The following BCAT1 variants were observed in gnomAD, a reference collection of about 807,000 sequenced individuals.
The protein encoded by BCAT1 is branched chain amino acid transaminase 1, also known as branched-chain-amino-acid aminotransferase, cytosolic.
In BCAT1, 48 loss-of-function variants were observed where a neutral mutation model predicts 52.4. The observed-to-expected ratio is 0.92, with a 90% confidence interval of 0.73 to 1.16. The LOEUF is 1.16. BCAT1 is among the 50% of genes most tolerant of loss of function. The pLI, the probability that BCAT1 is intolerant of heterozygous loss-of-function variation, is 0.00. For synonymous variants in BCAT1, 167 were observed against 161.3 expected, an observed-to-expected ratio of 1.04 and a Z score of -0.27; for missense variants, 451 against 457.1, an observed-to-expected ratio of 0.99 and a Z score of 0.12.
chr12:24,926,820 C>A (rs1390959266), intron 1 of BCAT1, among the ~76,000 whole-genome samples: 3 of 151,820 alleles, frequency 2.0e-5, no homozygotes, highest in Non-Finnish European at 4.4e-5. Context: ...ACAAACACTG[C>A]GGAAGGCCGC....
intron 10 of BCAT1, among the ~76,000 whole-genome samples, chr12:24,819,484 G>C (rs1940022715): frequency 6.6e-6 from 1 of 151,960 alleles, no homozygotes; most frequent in Non-Finnish European, 1.5e-5. Flanking sequence ...TTGTATATTG[G>C]GATTCCAGGA....
chr12:24,818,012 G>A lies in BCAT1; in HGVS notation c.1157C>T (p.Ser386Phe). The A allele has an allele frequency of 6.2e-7, 1 of 1,612,960 alleles. No homozygotes were observed. Among genetic ancestry groups the A allele is most frequent in the Non-Finnish European group, 8.5e-7 (1 of 1,179,316 alleles). Residue 386 changes from serine to phenylalanine, a missense_variant, in exon 11 of 11, where the codon TCC (serine) becomes TTC (phenylalanine). Ser to Phe is a radical substitution (Grantham distance 155, BLOSUM62 -2). Coordinates refer to ENST00000261192, the MANE Select transcript of BCAT1 (RefSeq NM_005504.7). Reference sequence around the variant, plus strand: ...ATTGTATCCTCTATTTTCCATTCAGGATAGCACAATTGTCCAGTCGCTCTC... The same window carrying A: ...ATTGTATCCTCTATTTTCCATTCAGAATAGCACAATTGTCCAGTCGCTCTC... ...REESDWTIVL[S>F]
At chr12:24,948,600 G>A (rs11047722) in intron 1 of BCAT1, among the ~76,000 whole-genome samples, 34,282 of 152,072 alleles carry the variant, frequency 0.23, 4,361 homozygotes, top group Non-Finnish European at 0.3. Flanking sequence ...GTGCATAGGA[G>A]AAACTGAGAG....
chr12:24,873,683 C>G (rs147205386), intron 5 of BCAT1, among the ~76,000 whole-genome samples: 20 of 152,232 alleles, frequency 1.3e-4, no homozygotes, highest in African/African-American at 4.8e-4. Flanking sequence ...ATTATGCTTA[C>G]CAATTCAGCA....
intron 5 of BCAT1, among the ~76,000 whole-genome samples, chr12:24,867,138 G>A (rs895835560): frequency 1.1e-4 from 16 of 151,750 alleles, no homozygotes; most frequent in African/African-American, 3.4e-4. Context: ...CTTCACTCCT[G>A]AGCCAACGAG....
At chr12:24,882,905 A>G (rs1465603398) in intron 3 of BCAT1, among the ~76,000 whole-genome samples, 3 of 152,106 alleles carry the variant, frequency 2.0e-5, no homozygotes, top group Admixed American at 1.3e-4. Context: ...CTGGCCTGCA[A>G]ATACTTTCTA....
intron 8 of BCAT1, 197 bp downstream of exon 8, chr12:24,836,314 C>T (rs939959487): frequency 1.8e-6 from 1 of 545,680 alleles, no homozygotes; most frequent in Non-Finnish European, 3.2e-6. Flanking sequence ...TCTCTCTGCC[C>T]TTGCTATCAA....
rs1302059405 is a variant in BCAT1 at position 24,902,141 on chromosome 12, T to C, written c.7-256A>G. 2.6e-5 allele frequency: 38 copies of C among 1,445,816 alleles called. No homozygotes were observed. In the Admixed American group the frequency reaches 1.1e-3, roughly 41 times the overall value. The allele number at this position is 1,445,816 out of a possible 1,614,324, so 89.6% of individuals were successfully genotyped here. A position where few individuals can be genotyped will look rare whatever the true frequency, so the allele number is the denominator to read the frequency against. On this transcript the variant is annotated intron_variant, in intron 1 of 10. Coordinates refer to ENST00000261192, the MANE Select transcript of BCAT1 (RefSeq NM_005504.7). ...CTCCGCCGGCTCAGGGAAGACTGGT[T>C]AAATTCCAGGTCAGCCCTACAGAGC...
At chr12:24,936,378 G>A (rs1173851696) in intron 1 of BCAT1, among the ~76,000 whole-genome samples, 3 of 152,102 alleles carry the variant, frequency 2.0e-5, no homozygotes, top group African/African-American at 4.8e-5. Context: ...GTCTATAGGC[G>A]TGCACCACCA....
intron 10 of BCAT1, among the ~76,000 whole-genome samples, chr12:24,822,925 G>A (rs1038187700): frequency 6.6e-6 from 1 of 151,986 alleles, no homozygotes; most frequent in Non-Finnish European, 1.5e-5. Flanking sequence ...AGTATATAAA[G>A]TTAGGGAGAA....
At chr12:24,933,657 A>G (rs1195607096) in intron 1 of BCAT1, among the ~76,000 whole-genome samples, 1 of 152,094 alleles carries the variant, frequency 6.6e-6, no homozygotes, top group Non-Finnish European at 1.5e-5. Flanking sequence ...TTTCTGGGGT[A>G]TATACCCCAG....
intron 6 of BCAT1, among the ~76,000 whole-genome samples, chr12:24,844,955 G>A (rs1310754924): frequency 6.8e-6 from 1 of 146,470 alleles, no homozygotes; most frequent in African/African-American, 2.5e-5. Flanking sequence ...GCTCATACCT[G>A]TAATCTCAGC....
At chr12:24,887,192 G>A (rs1445170621) in intron 3 of BCAT1, among the ~76,000 whole-genome samples, 16 of 144,498 alleles carry the variant, frequency 1.1e-4, no homozygotes, top group African/African-American at 3.8e-4. Flanking sequence ...CAAAGGACAG[G>A]CAAAGGTCAT....
chr12:24,936,199 C>T (rs761559276), intron 1 of BCAT1, among the ~76,000 whole-genome samples: 9 of 152,230 alleles, frequency 5.9e-5, no homozygotes, highest in Non-Finnish European at 1.3e-4. Flanking sequence ...GCTGTTGTAA[C>T]AGATGACTGC....
chr12:24,878,837 T>G (rs1942418810), intron 4 of BCAT1, among the ~76,000 whole-genome samples, 188 bp from the exon 5 acceptor site: 1 of 152,216 alleles, frequency 6.6e-6, no homozygotes, highest in Admixed American at 6.5e-5. Flanking sequence ...TTTGTCCTAA[T>G]CATTACACAT....
At chr12:24,936,566 C>T (rs1267225063) in intron 1 of BCAT1, among the ~76,000 whole-genome samples, 1 of 152,164 alleles carries the variant, frequency 6.6e-6, no homozygotes. Context: ...TCTGGAAGTT[C>T]CAAATCAAGG....
chr12:24,832,578 C>T (rs1940714874), intron 9 of BCAT1, 145 bp downstream of exon 9: 1 of 1,005,662 alleles, frequency 9.9e-7, no homozygotes, highest in African/African-American at 1.6e-5. Flanking sequence ...GAGACTCCAT[C>T]TCTTTAAAAT....
At chr12:24,837,722 C>T (rs1045979933) in intron 7 of BCAT1, among the ~76,000 whole-genome samples, 2 of 152,120 alleles carry the variant, frequency 1.3e-5, no homozygotes, top group Non-Finnish European at 2.9e-5. Context: ...CCACCGCACC[C>T]AGCCTAAGAG....
intron 5 of BCAT1, among the ~76,000 whole-genome samples, chr12:24,861,492 G>A (rs951697696): frequency 1.3e-5 from 2 of 152,138 alleles, no homozygotes; most frequent in Non-Finnish European, 2.9e-5. Context: ...ATCACCTTTT[G>A]TGAGAACTCG....
Sources: gnomAD v4.1 joint callset for allele counts (sites outside exome capture counted in the v4.1 genomes callset) on GRCh38, gnomAD v4.1.1 for gene constraint, MANE v1.5 for transcripts, NCBI Gene and HGNC (gene_info 2026-07-23, HGNC 2026-07-21) for gene names.